Variants in ZCCHC14 observed in about 807,000 individuals in gnomAD.
ZCCHC14 encodes zinc finger CCHC-type containing 14, also known as zinc finger CCHC domain-containing protein 14.
Under a neutral mutation model 85.0 loss-of-function variants are expected in ZCCHC14, and 16 were observed. That is an observed-to-expected ratio of 0.19 (90% CI 0.13 to 0.29). ZCCHC14 has a LOEUF of 0.29. Among genes scored for constraint, ZCCHC14 ranks in the 10% least tolerant of loss-of-function variants. ZCCHC14 has a pLI of 1.00. For missense variants in ZCCHC14, 1,303 were observed against 1,443.5 expected, an observed-to-expected ratio of 0.90 and a Z score of 1.58; for synonymous variants, 775 against 630.7, an observed-to-expected ratio of 1.23 and a Z score of -3.43.
chr16:87,417,609 G>C lies in ZCCHC14; in HGVS notation c.1234C>G (p.Arg412Gly). The C allele has an allele frequency of 6.2e-7, 1 of 1,614,202 alleles. No homozygotes were observed. The highest frequency in any genetic ancestry group is 1.1e-5 in the South Asian group (1 of 91,080). The stretch of plus-strand genomic sequence containing the variant: ...GCAGGTGATGTGTCCATCTGGGTCC[G>C]GTAGGCCAGGGCTGAGCCCGCGCTG... ...AGSAGSALAY[R>G]TQMDTSPAIL... The change falls in exon 8 of 13, where the codon CGG (arginine) becomes GGG (glycine). Residue 412 changes from arginine to glycine, a missense_variant. Physicochemically the swap from Arg to Gly is moderately radical, Grantham distance 125. This residue lies in a region of ZCCHC14 where 389 missense variants were observed against 397.8 expected (regional missense o/e 0.98). Transcript: ENST00000671377.
intron 1 of ZCCHC14, among the ~76,000 whole-genome samples, chr16:87,476,021 G>A (rs540278372): frequency 5.4e-4 from 82 of 152,204 alleles, no homozygotes; most frequent in Non-Finnish European, 1.1e-3. Context: ...GAGCACAGGG[G>A]AGCAGCCAAC....
At chr16:87,459,389 G>C (rs1911143130) in intron 2 of ZCCHC14, among the ~76,000 whole-genome samples, 2 of 150,672 alleles carry the variant, frequency 1.3e-5, no homozygotes, top group Admixed American at 1.3e-4. Context: ...CTGTCACCCA[G>C]ACTGGAGGGC....
Position 87,417,619 on chromosome 16 carries a change from G to T in ZCCHC14, c.1224C>A (p.Ala408=), listed in dbSNP as rs140528770. ...TGTCCATCTGGGTCCGGTAGGCCAG[G>T]GCTGAGCCCGCGCTGCCCGCATGGG... The part of the protein sequence containing the change: ...HCSHAGSAGS[A]LAYRTQMDTS... The change falls in exon 8 of 13, where the codon GCC becomes GCA. Residue 408 remains alanine, a synonymous_variant. Coordinates refer to ENST00000671377, the MANE Select transcript of ZCCHC14 (RefSeq NM_015144.3). The T allele has an allele frequency of 6.3e-5, 102 of 1,614,196 alleles. No homozygotes were observed. The African/African-American group carries it at 1.3e-3, about 20-fold the overall frequency.
chr16:87,477,679 C>T lies in ZCCHC14; in HGVS notation c.570+13990G>A, dbSNP rs182339904. On this transcript the variant is annotated intron_variant, in intron 1 of 12. Transcript: ENST00000671377. ...AAATGGGGACAAAAATAGAACTTGA[C>T]TCATGGAGCTGTTATGAGGATTAAA... is the stretch of plus-strand genomic sequence containing the variant. 4.6e-3 allele frequency among the ~76,000 whole-genome samples: 702 copies of T among 152,296 alleles called. 2 individuals carry two copies. Among genetic ancestry groups the T allele is most frequent in the African/African-American group, 0.016 (647 of 41,528 alleles).
At chr16:87,410,399 C>A (rs1454057689) in intron 12 of ZCCHC14, 64 bp from the exon 13 acceptor site, 6 of 740,872 alleles carry the variant, frequency 8.1e-6, no homozygotes, top group Admixed American at 3.8e-5. Flanking sequence ...AACCACCAAT[C>A]TGTCCAGTCA....
rs1440194652 is a variant in ZCCHC14, at chr16:87,420,732, A to C, written c.841-16T>G. 1 of 1,598,854 alleles carries C rather than the reference A, an allele frequency of 6.3e-7. No individual in the cohort carries two copies. Among genetic ancestry groups the C allele is most frequent in the Non-Finnish European group, 8.5e-7 (1 of 1,170,794 alleles). On this transcript the variant is annotated splice_polypyrimidine_tract_variant and intron_variant, in intron 4 of 12. Coordinates refer to ENST00000671377, the MANE Select transcript of ZCCHC14 (RefSeq NM_015144.3). The surrounding 1 kb of genome is among the most constrained non-coding windows in gnomAD (Gnocchi z 5.0). ...GCTGACATAGCTGGAAGAGAGGACA[A>C]GGTAGAGGAGGTGTGTCCAGACCCA...
chr16:87,459,007 C>A (rs1911119085), intron 2 of ZCCHC14, among the ~76,000 whole-genome samples: 1 of 152,154 alleles, frequency 6.6e-6, no homozygotes, highest in South Asian at 2.1e-4. Flanking sequence ...CCTTACTCTC[C>A]CCTCCCCAAA....
rs977002380 is a variant in ZCCHC14 at position 87,407,339 on chromosome 16, C to A, written c.*2941G>T. 7 of 152,234 alleles carry A rather than the reference C, an allele frequency of 4.6e-5. No homozygotes were observed. The highest frequency in any genetic ancestry group is 1.7e-4 in the African/African-American group (7 of 41,458). 9.4% of individuals were successfully genotyped at this position (152,234 alleles called of 1,614,324 possible). A position where few individuals can be genotyped will look rare whatever the true frequency, so the allele number is the denominator to read the frequency against. On this transcript the variant is annotated 3_prime_UTR_variant, in exon 13 of 13. Coordinates refer to ENST00000671377, the MANE Select transcript of ZCCHC14 (RefSeq NM_015144.3). Reference sequence around the variant, plus strand: ...TACTGGTTTTTAAAATACCCAATCACATATATGCATTCAAGAAAATATTTT... The same window carrying A: ...TACTGGTTTTTAAAATACCCAATCAAATATATGCATTCAAGAAAATATTTT...
At chr16:87,423,093 A>G (rs933829041) in intron 4 of ZCCHC14, among the ~76,000 whole-genome samples, 5 of 152,264 alleles carry the variant, frequency 3.3e-5, no homozygotes, top group African/African-American at 1.2e-4. Flanking sequence ...CCATTCACAA[A>G]GCTGACTGCC....
At chr16:87,475,820 G>C (rs757922983) in intron 1 of ZCCHC14, among the ~76,000 whole-genome samples, 1 of 152,092 alleles carries the variant, frequency 6.6e-6, no homozygotes, top group Non-Finnish European at 1.5e-5. Flanking sequence ...GAGAGATTGA[G>C]GCAGAAAAAC....
In ZCCHC14 at chr16:87,411,856, G is replaced by A. The variant is rs757266824; in HGVS notation, c.2865C>T (p.Ser955=). 1.4e-5 allele frequency: 23 copies of A among 1,607,740 alleles called. No homozygotes were observed. The highest frequency in any genetic ancestry group is 1.7e-5 in the Admixed American group (1 of 58,830). The change falls in exon 12 of 13, where the codon TCC becomes TCT. Residue 955 remains serine (S), a synonymous_variant. Coordinates refer to ENST00000671377, the MANE Select transcript of ZCCHC14 (RefSeq NM_015144.3). ...NYFQHPFSGP[S]VFTFPFLPFS... is the part of the protein sequence containing the mutation. ...AGGGCAAGAAGGGGAAGGTGAACAC[G>A]GACGGACCGGAGAACGGGTGCTGGA...
intron 1 of ZCCHC14, chr16:87,467,462 T>C (rs1911577245): frequency 6.2e-7 from 1 of 1,607,014 alleles, no homozygotes. Flanking sequence ...CTGTTCACGG[T>C]GTGAGTACCT....
At chr16:87,456,723 A>G (rs1251710806) in intron 2 of ZCCHC14, among the ~76,000 whole-genome samples, 1 of 152,088 alleles carries the variant, frequency 6.6e-6, no homozygotes, top group Non-Finnish European at 1.5e-5. Flanking sequence ...TTCATTTAAA[A>G]TAATTTTTAA....
chr16:87,447,354 C>A (rs1171670589), intron 2 of ZCCHC14, among the ~76,000 whole-genome samples: 2 of 152,046 alleles, frequency 1.3e-5, no homozygotes, highest in Non-Finnish European at 1.5e-5. Context: ...ATGCAGAGAT[C>A]TGAAGTGTAC....
chr16:87,421,662 G>T (rs897427845), intron 4 of ZCCHC14, among the ~76,000 whole-genome samples: 1 of 152,126 alleles, frequency 6.6e-6, no homozygotes, highest in Non-Finnish European at 1.5e-5. Flanking sequence ...AGGCCTGCAG[G>T]GACGGCTGAA....
At chr16:87,416,524 G>A (rs998200810) in intron 8 of ZCCHC14, among the ~76,000 whole-genome samples, 4 of 152,064 alleles carry the variant, frequency 2.6e-5, no homozygotes, top group East Asian at 1.9e-4. Context: ...TTGGGAGACC[G>A]AGGTGGGCAG....
chr16:87,448,844 T>C (rs889243832), intron 2 of ZCCHC14, among the ~76,000 whole-genome samples: 1 of 152,200 alleles, frequency 6.6e-6, no homozygotes, highest in Non-Finnish European at 1.5e-5. Context: ...TCTGCCACAG[T>C]TCTTTACCCC....
rs1370628111 is a variant in ZCCHC14 at position 87,492,965 on chromosome 16, GC to G, written c.-728del. Among the ~76,000 whole-genome samples the G allele has an allele frequency of 6.6e-6, 1 of 151,324 alleles. No homozygotes were observed. Among genetic ancestry groups the G allele is most frequent in the Non-Finnish European group, 1.5e-5 (1 of 67,746 alleles). On this transcript the variant is annotated 5_prime_UTR_variant, in exon 1 of 13. Transcript: ENST00000671377. The surrounding 1 kb of genome is among the most constrained non-coding windows in gnomAD (Gnocchi z 6.7). ...GACGGCGACGGCGGAGGAGGCGCCGGCCGAGGAGCGGAGGGATCGTCGCGCT... is the reference window on the plus strand; with the variant it reads ...GACGGCGACGGCGGAGGAGGCGCCGGCGAGGAGCGGAGGGATCGTCGCGCT...
chr16:87,422,768 C>T (rs1597405761), intron 4 of ZCCHC14, among the ~76,000 whole-genome samples: 1 of 151,592 alleles, frequency 6.6e-6, no homozygotes, highest in Non-Finnish European at 1.5e-5. Flanking sequence ...AACACTGAGA[C>T]AAAAGCCCAA....
Sources: allele counts gnomAD v4.1 joint callset (sites outside exome capture counted in the v4.1 genomes callset), GRCh38; gene constraint gnomAD v4.1.1; regional missense constraint gnomAD v4.1.1; non-coding constraint Gnocchi (gnomAD v3.1); transcripts MANE v1.5; gene names NCBI Gene and HGNC (gene_info 2026-07-23, HGNC 2026-07-21).